Variants in LRRTM4 observed in about 807,000 individuals in gnomAD.
LRRTM4 encodes leucine-rich repeat transmembrane neuronal protein 4.
A neutral mutation model predicts 47.6 loss-of-function variants in LRRTM4; 25 were observed. The observed-to-expected ratio is 0.53, with a 90% CI of 0.38 to 0.73. The LOEUF (loss-of-function observed/expected upper bound fraction) is 0.73, where lower values mean the gene tolerates loss of function less well. Ranked by LOEUF, LRRTM4 falls within the 30% of genes least tolerant of loss-of-function variation. The pLI, the probability that LRRTM4 is intolerant of heterozygous loss-of-function variation, is 0.00. For missense variants in LRRTM4, 638 were observed against 713.4 expected (o/e 0.89, Z 1.20); for synonymous variants, 311 against 269.5 (o/e 1.15, Z -1.51).
intron 3 of LRRTM4, among the ~76,000 whole-genome samples, chr2:77,052,594 G>GA (rs1679475406): frequency 6.6e-6 from 1 of 151,756 alleles, no homozygotes; most frequent in South Asian, 2.1e-4. Context: ...TTACTGATCT[G>GA]AAGGAAGAAG....
chr2:77,319,160 G>A (rs1172856988), intron 3 of LRRTM4, among the ~76,000 whole-genome samples: 1 of 151,986 alleles, frequency 6.6e-6, no homozygotes, highest in East Asian at 1.9e-4. Context: ...TGAGGCAGGC[G>A]GATCACTTGA....
At chr2:76,971,126 G>A in intron 3 of LRRTM4, among the ~76,000 whole-genome samples, 1 of 151,988 alleles carries the variant, frequency 6.6e-6, no homozygotes, top group Non-Finnish European at 1.5e-5. Flanking sequence ...TAGTGGAGGG[G>A]ACAGTTGCCA....
At chr2:77,353,706 A>T (rs1359904205) in intron 3 of LRRTM4, among the ~76,000 whole-genome samples, 1 of 151,914 alleles carries the variant, frequency 6.6e-6, no homozygotes, top group Non-Finnish European at 1.5e-5. Context: ...TATTATTATT[A>T]TACTTTAAGT....
intron 3 of LRRTM4, among the ~76,000 whole-genome samples, chr2:77,195,256 TA>T (rs1416140104): frequency 6.6e-6 from 1 of 151,924 alleles, no homozygotes; most frequent in East Asian, 1.9e-4. Flanking sequence ...CACTAAAATA[TA>T]TTTAGATTGA....
chr2:77,127,882 C>T (rs936949312), intron 3 of LRRTM4, among the ~76,000 whole-genome samples: 6 of 152,288 alleles, frequency 3.9e-5, no homozygotes, highest in Admixed American at 6.5e-5. Flanking sequence ...CAGTGGCTCA[C>T]GCCTGTAATC....
intron 3 of LRRTM4, among the ~76,000 whole-genome samples, chr2:77,480,854 A>AGAGAGT (rs1677673034): frequency 9.0e-6 from 1 of 110,600 alleles, no homozygotes; most frequent in Non-Finnish European, 1.9e-5. Flanking sequence ...AGAGAGAGAG[A>AGAGAGT]GAGAGAGAGA....
At chr2:77,159,020 C>T (rs1374845955) in intron 3 of LRRTM4, among the ~76,000 whole-genome samples, 2 of 152,102 alleles carry the variant, frequency 1.3e-5, no homozygotes, top group Non-Finnish European at 2.9e-5. Context: ...ACCACTAAAC[C>T]AGACTTTATA....
chr2:76,834,087 CTGGAGTG>C (rs2103906154), intron 3 of LRRTM4, among the ~76,000 whole-genome samples: 1 of 151,564 alleles, frequency 6.6e-6, no homozygotes, highest in East Asian at 1.9e-4. Context: ...GTGGCCCTGG[CTGGAGTG>C]CAGTGGCACC....
chr2:77,206,832 C>G (rs1674140942), intron 3 of LRRTM4, among the ~76,000 whole-genome samples: 1 of 152,192 alleles, frequency 6.6e-6, no homozygotes, highest in East Asian at 1.9e-4. Context: ...CCAAAATCCT[C>G]TAAATGATTT....
intron 3 of LRRTM4, among the ~76,000 whole-genome samples, chr2:77,212,023 T>G (rs1388661582): frequency 1.3e-5 from 2 of 152,094 alleles, no homozygotes; most frequent in Non-Finnish European, 2.9e-5. Flanking sequence ...GAGCATGTTA[T>G]GCATATTGTG....
chr2:77,096,743 T>C (rs1670822940), intron 3 of LRRTM4, among the ~76,000 whole-genome samples: 1 of 151,584 alleles, frequency 6.6e-6, no homozygotes, highest in African/African-American at 2.4e-5. Context: ...ATAGCTTCTA[T>C]TATTGGGAAA....
At chr2:77,222,506 A>T (rs768218335) in intron 3 of LRRTM4, among the ~76,000 whole-genome samples, 31 of 152,234 alleles carry the variant, frequency 2.0e-4, no homozygotes, top group Non-Finnish European at 3.8e-4. Flanking sequence ...TAGATGCAAT[A>T]AAATATGACA....
chr2:77,212,474 TAG>T (rs35907246), intron 3 of LRRTM4, among the ~76,000 whole-genome samples: 3,163 of 136,912 alleles, frequency 0.023, 77 homozygotes, highest in African/African-American at 0.066. Context: ...TATATATATA[TAG>T]AGAGAGAGAG....
At chr2:77,110,787 T>C (rs1230415734) in intron 3 of LRRTM4, among the ~76,000 whole-genome samples, 10 of 152,216 alleles carry the variant, frequency 6.6e-5, no homozygotes, top group Non-Finnish European at 7.3e-5. Context: ...CACACTGTTA[T>C]ATACAGTTTG....
chr2:77,087,709 G>A (rs1680768703), intron 3 of LRRTM4, among the ~76,000 whole-genome samples: 1 of 152,154 alleles, frequency 6.6e-6, no homozygotes, highest in African/African-American at 2.4e-5. Context: ...TACAAAATTA[G>A]TATGTTTACA....
At chr2:77,275,443 G>A (rs979215945) in intron 3 of LRRTM4, among the ~76,000 whole-genome samples, 14 of 152,040 alleles carry the variant, frequency 9.2e-5, no homozygotes, top group Non-Finnish European at 1.6e-4. Context: ...CTCAGTAAAT[G>A]TTCTTGAATA....
intron 3 of LRRTM4, among the ~76,000 whole-genome samples, chr2:77,354,649 A>C (rs1220581740): frequency 1.3e-5 from 2 of 152,148 alleles, no homozygotes; most frequent in African/African-American, 4.8e-5. Flanking sequence ...ATTTCAGGCA[A>C]TCTCAGCTTT....
At chr2:76,913,462 C>T (rs1229246553) in intron 3 of LRRTM4, among the ~76,000 whole-genome samples, 1 of 150,920 alleles carries the variant, frequency 6.6e-6, no homozygotes, top group Non-Finnish European at 1.5e-5. Flanking sequence ...AAAATGTTTT[C>T]CTTCACATGG....
At chr2:76,860,439 T>C (rs1305364819) in intron 3 of LRRTM4, among the ~76,000 whole-genome samples, 10 of 152,144 alleles carry the variant, frequency 6.6e-5, no homozygotes, top group Admixed American at 6.6e-4. Context: ...TATGAAACTG[T>C]GTGCAGATTA....
Sources: allele counts gnomAD v4.1 joint callset (sites outside exome capture counted in the v4.1 genomes callset), GRCh38; gene constraint gnomAD v4.1.1; transcripts MANE v1.5; gene names NCBI Gene and HGNC (gene_info 2026-07-23, HGNC 2026-07-21).